Variants in MCU observed in about 807,000 individuals in gnomAD.
The protein encoded by MCU is mitochondrial calcium uniporter.
A neutral mutation model predicts 45.2 loss-of-function variants in MCU; 12 were observed. That is an observed-to-expected ratio of 0.27 (90% CI 0.17 to 0.43). The LOEUF is 0.43. Among genes scored for constraint, MCU ranks in the 20% least tolerant of loss-of-function variants. The pLI, the probability that MCU is intolerant of heterozygous loss-of-function variation, is 1.00. For missense variants in MCU, 324 were observed against 436.7 expected, an observed-to-expected ratio of 0.74 and a Z score of 2.30; for synonymous variants, 160 against 165.1, an observed-to-expected ratio of 0.97 and a Z score of 0.24.
intron 1 of MCU, among the ~76,000 whole-genome samples, chr10:72,736,855 G>T (rs1238229741): frequency 6.6e-6 from 1 of 152,164 alleles, no homozygotes; most frequent in South Asian, 2.1e-4. Flanking sequence ...ACATTGTTGC[G>T]TGCTGTCAAC....
chr10:72,729,134 C>T (rs1009315705), intron 1 of MCU, among the ~76,000 whole-genome samples: 1 of 152,164 alleles, frequency 6.6e-6, no homozygotes, highest in African/African-American at 2.4e-5. Flanking sequence ...CTGATCTTTC[C>T]TGTTGAAGAA....
chr10:72,771,726 C>T (rs996972891), intron 1 of MCU, among the ~76,000 whole-genome samples: 26 of 152,086 alleles, frequency 1.7e-4, no homozygotes, highest in Non-Finnish European at 3.4e-4. Flanking sequence ...CATAAGCATA[C>T]GTGTGCCATG....
intron 4 of MCU, among the ~76,000 whole-genome samples, chr10:72,861,110 G>A (rs1479560988): frequency 6.6e-6 from 1 of 151,680 alleles, no homozygotes; most frequent in Non-Finnish European, 1.5e-5. Flanking sequence ...CTGCAGCCTC[G>A]ACCTCAAGTT....
At chr10:72,843,223 A>AT (rs1845072214) in intron 2 of MCU, among the ~76,000 whole-genome samples, 2 of 152,158 alleles carry the variant, frequency 1.3e-5, no homozygotes, top group African/African-American at 4.8e-5. Context: ...TTTTGGGCAA[A>AT]TGTATATATG....
At chr10:72,818,119 A>T (rs1338369580) in intron 1 of MCU, among the ~76,000 whole-genome samples, 1 of 152,252 alleles carries the variant, frequency 6.6e-6, no homozygotes, top group Non-Finnish European at 1.5e-5. Context: ...AGGCTTAAAC[A>T]GTTGATAATT....
intron 1 of MCU, 124 bp from the exon 2 acceptor site, chr10:72,834,235 A>G: frequency 1.8e-6 from 1 of 548,724 alleles, no homozygotes; most frequent in Non-Finnish European, 3.1e-6. Flanking sequence ...CTGTATTTTT[A>G]AAGTTTTCTA....
At chr10:72,721,961 G>T (rs541217692) in intron 1 of MCU, among the ~76,000 whole-genome samples, 3 of 152,178 alleles carry the variant, frequency 2.0e-5, no homozygotes, top group African/African-American at 7.2e-5. Context: ...ATCCACTTAG[G>T]CTCCTTATGG....
chr10:72,884,566 T>G (rs1845751414), intron 7 of MCU, 184 bp downstream of exon 7: 1 of 498,746 alleles, frequency 2.0e-6, no homozygotes, highest in South Asian at 3.5e-5. Flanking sequence ...CTAGAAAGTT[T>G]TATAAAAAGC....
chr10:72,769,462 G>GT (rs1029377595), intron 1 of MCU, among the ~76,000 whole-genome samples: 10 of 151,972 alleles, frequency 6.6e-5, no homozygotes, highest in Admixed American at 3.9e-4. Flanking sequence ...ATTTTTGTTT[G>GT]TTTTTTGAGA....
chr10:72,693,430 G>C lies in MCU; in HGVS notation c.150+1129G>C, dbSNP rs567612448. ...GATCACTGCAAACAGCTTGATAGGA[G>C]AAACTACAATAGTACCTTCAACCCT... On this transcript the variant is annotated intron_variant, in intron 1 of 7. Coordinates refer to ENST00000373053, the MANE Select transcript of MCU (RefSeq NM_138357.3). Among the ~76,000 whole-genome samples the C allele has an allele frequency of 5.3e-5, 8 of 152,234 alleles. No individual in the cohort carries two copies. The East Asian group carries it at 1.4e-3, about 26-fold the overall frequency.
At chr10:72,869,067 C>T (rs941260682) in intron 5 of MCU, among the ~76,000 whole-genome samples, 1 of 152,160 alleles carries the variant, frequency 6.6e-6, no homozygotes, top group Non-Finnish European at 1.5e-5. Flanking sequence ...TGATAATGGA[C>T]TTAGAGCTTT....
chr10:72,827,839 T>C (rs1176644942), intron 1 of MCU, among the ~76,000 whole-genome samples: 3 of 152,168 alleles, frequency 2.0e-5, no homozygotes, highest in Non-Finnish European at 2.9e-5. Context: ...AGGTAGTGAG[T>C]TGTGGAAGTG....
intron 2 of MCU, among the ~76,000 whole-genome samples, chr10:72,843,141 T>C (rs929129215): frequency 1.3e-5 from 2 of 152,220 alleles, no homozygotes; most frequent in Non-Finnish European, 2.9e-5. Context: ...TGAGCCTGCA[T>C]TGACGCATCA....
intron 1 of MCU, among the ~76,000 whole-genome samples, chr10:72,747,726 A>G (rs1007247935): frequency 6.6e-6 from 1 of 151,906 alleles, no homozygotes; most frequent in Non-Finnish European, 1.5e-5. Flanking sequence ...GGTCCCAGCT[A>G]TTCTGGAGGC....
In MCU at chr10:72,834,416, G is replaced by A. The variant is rs746146161; in HGVS notation, c.208G>A (p.Val70Met). Residue 70 changes from valine (V) to methionine (M), a missense_variant, in exon 2 of 8, where the codon GTG becomes ATG. Physicochemically the swap from Val to Met is conservative, Grantham distance 21. Transcript: ENST00000373053. ...GGGAGCTGTTTATTGCAGCACTGTT[G>A]TGCCCTCTGATGGTGAGTTTCAGCA... ...NLGAVYCSTV[V>M]PSDDVTVVYQ... is the part of the protein sequence containing the mutation. The A allele has an allele frequency of 3.1e-6, 5 of 1,613,510 alleles. No homozygotes were observed. The Admixed American group carries it at 5.0e-5, about 16-fold the overall frequency.
intron 6 of MCU, among the ~76,000 whole-genome samples, chr10:72,874,058 G>A (rs140580604): frequency 1.3e-4 from 20 of 152,120 alleles, no homozygotes; most frequent in East Asian, 1.9e-4. Flanking sequence ...TGTTCTTTTC[G>A]CTCAGGATTG....
chr10:72,831,535 A>G (rs561928402), intron 1 of MCU, among the ~76,000 whole-genome samples: 2 of 152,224 alleles, frequency 1.3e-5, no homozygotes, highest in African/African-American at 4.8e-5. Context: ...CCTAACATGT[A>G]TTTGATGAGG....
chr10:72,856,003 A>G (rs144751642), intron 2 of MCU, among the ~76,000 whole-genome samples: 4 of 152,344 alleles, frequency 2.6e-5, no homozygotes, highest in East Asian at 3.9e-4. Context: ...ATGTTCGTCA[A>G]CTGGATAAAC....
intron 2 of MCU, among the ~76,000 whole-genome samples, chr10:72,855,633 T>A (rs923349014): frequency 2.6e-5 from 4 of 152,126 alleles, no homozygotes; most frequent in Admixed American, 2.6e-4. Flanking sequence ...AAAAATCCTT[T>A]TTAAAGAGAT....
Sources: allele counts gnomAD v4.1 joint callset (sites outside exome capture counted in the v4.1 genomes callset), GRCh38; gene constraint gnomAD v4.1.1; transcripts MANE v1.5; gene names NCBI Gene and HGNC (gene_info 2026-07-23, HGNC 2026-07-21).